INPP4A: variants seen among roughly 807,000 people sequenced by gnomAD.
INPP4A encodes the protein inositol polyphosphate-4-phosphatase, type I, 107kD.
INPP4A carries 33 observed loss-of-function variants against 119.8 expected under a neutral mutation model. The observed-to-expected ratio is 0.28, with a 90% CI of 0.21 to 0.37. The LOEUF (loss-of-function observed/expected upper bound fraction) is 0.37, where lower values mean the gene tolerates loss of function less well. Ranked by LOEUF, INPP4A falls within the 10% of genes least tolerant of loss-of-function variation. The probability of loss-of-function intolerance (pLI) is 1.00; values close to 1 mark genes in which losing one functional copy is unlikely to be tolerated. For synonymous variants in INPP4A, 496 were observed against 500.7 expected (o/e 0.99, Z 0.12); for missense variants, 956 against 1,289.9 (o/e 0.74, Z 3.97).
chr2:98,568,566 C>T lies in INPP4A; in HGVS notation c.2421-5C>T, dbSNP rs1250179617. On this transcript the variant is annotated splice_region_variant and splice_polypyrimidine_tract_variant and intron_variant, in intron 21 of 24. Transcript: ENST00000409851. ...AACTAATGGCATCCCCTATAACCTC[C>T]CAAGGTTTGGCGATACGTCTTTACA... 4 of 1,559,344 alleles carry T rather than the reference C, an allele frequency of 2.6e-6. No individual in the cohort carries two copies. The East Asian group carries it at 9.1e-5, about 35-fold the overall frequency.
intron 24 of INPP4A, 100 bp downstream of exon 24, chr2:98,577,243 G>GCCTGC: frequency 7.9e-7 from 1 of 1,270,634 alleles, no homozygotes; most frequent in Non-Finnish European, 1.1e-6. Context: ...TACCCTGCAT[G>GCCTGC]AGCCCCTTGA....
intron 1 of INPP4A, among the ~76,000 whole-genome samples, chr2:98,514,890 A>G (rs932608907): frequency 6.6e-6 from 1 of 151,962 alleles, no homozygotes; most frequent in Non-Finnish European, 1.5e-5. Flanking sequence ...ACTCCAGCCT[A>G]GGAGACAGAA....
At chr2:98,470,394 G>A (rs748821693) in intron 1 of INPP4A, among the ~76,000 whole-genome samples, 4 of 152,222 alleles carry the variant, frequency 2.6e-5, no homozygotes, top group African/African-American at 2.4e-5. Flanking sequence ...CTCACTTGGC[G>A]CTGCTTCTGA....
chr2:98,504,459 C>A (rs147774474), intron 1 of INPP4A, among the ~76,000 whole-genome samples: 2 of 152,240 alleles, frequency 1.3e-5, no homozygotes, highest in African/African-American at 4.8e-5. Context: ...TCCATGGGAC[C>A]TAGAGGACCA....
chr2:98,464,731 C>G (rs1398761873), intron 1 of INPP4A, among the ~76,000 whole-genome samples: 1 of 152,180 alleles, frequency 6.6e-6, no homozygotes, highest in Non-Finnish European at 1.5e-5. Context: ...AGGGTCTGCT[C>G]CATGAGATAT....
intron 1 of INPP4A, among the ~76,000 whole-genome samples, chr2:98,483,611 A>G (rs1201192986): frequency 1.3e-5 from 2 of 152,186 alleles, no homozygotes; most frequent in Non-Finnish European, 1.5e-5. Context: ...TCCTTCAGGC[A>G]GGTTCATCCT....
intron 1 of INPP4A, among the ~76,000 whole-genome samples, chr2:98,476,515 A>C (rs1558907687): frequency 6.6e-6 from 1 of 152,126 alleles, no homozygotes; most frequent in Non-Finnish European, 1.5e-5. Flanking sequence ...GTCTCCAGCC[A>C]CAGTCAGGGA....
At chr2:98,464,928 C>T (rs1490441582) in intron 1 of INPP4A, among the ~76,000 whole-genome samples, 5 of 152,138 alleles carry the variant, frequency 3.3e-5, no homozygotes, top group African/African-American at 7.2e-5. Flanking sequence ...GTACAGAGCT[C>T]GTTATTGCAG....
In INPP4A at chr2:98,520,066, C is replaced by G. The variant is rs904631225; in HGVS notation, c.18C>G (p.His6Gln). Residue 6 changes from histidine to glutamine, a missense_variant, in exon 3 of 25, where the codon CAC becomes CAG. Coordinates refer to ENST00000409851, the MANE Select transcript of INPP4A (RefSeq NM_001134225.2). ...ATGACATCATGACAGCAAGAGAGCA[C>G]AGCCCTCGCCATGGTGCCAGGGCCC... is the stretch of plus-strand genomic sequence containing the variant. MTAREHSPRHGARARA... is the reference protein window; with the variant it reads MTAREQSPRHGARARA... The G allele has an allele frequency of 3.2e-6, 5 of 1,583,392 alleles. No homozygotes were observed. Among genetic ancestry groups the G allele is most frequent in the Non-Finnish European group, 4.3e-6 (5 of 1,163,350 alleles).
chr2:98,446,556 C>T (rs1694227899), intron 1 of INPP4A, among the ~76,000 whole-genome samples: 1 of 151,958 alleles, frequency 6.6e-6, no homozygotes, highest in Admixed American at 6.5e-5. Flanking sequence ...GCCAGAGCTG[C>T]TTGGTAGAGT....
chr2:98,448,701 C>T (rs935254889), intron 1 of INPP4A, among the ~76,000 whole-genome samples: 2 of 138,678 alleles, frequency 1.4e-5, no homozygotes, highest in South Asian at 4.8e-4. Context: ...TTTTCTCTCT[C>T]TCTCTCTCTT....
intron 24 of INPP4A, among the ~76,000 whole-genome samples, chr2:98,582,258 T>C (rs1396382558): frequency 6.6e-6 from 1 of 152,270 alleles, no homozygotes; most frequent in Non-Finnish European, 1.5e-5. Context: ...ATAGGACATG[T>C]ACTTTCTGCT....
Position 98,546,721 on chromosome 2 carries a change from C to G in INPP4A, c.1163+27C>G, listed in dbSNP as rs371558275. ...TAAGTAGCCAGAGAGGGTTTGTGGT[C>G]CTTGTACAGCTTTCTGATGCTTCTT... On this transcript the variant is annotated intron_variant, in intron 13 of 24. Transcript: ENST00000409851. This position sits in a 1 kb window ranked among gnomAD's most constrained non-coding sequence, Gnocchi z 4.2. 4.2e-5 allele frequency: 55 copies of G among 1,306,488 alleles called. No homozygotes were observed. Among genetic ancestry groups the G allele is most frequent in the Non-Finnish European group, 5.8e-5 (52 of 902,784 alleles). The allele number at this position is 1,306,488 out of a possible 1,614,324, so 80.9% of individuals were successfully genotyped here.
At chr2:98,505,997 T>G (rs527849227) in intron 1 of INPP4A, among the ~76,000 whole-genome samples, 20 of 152,120 alleles carry the variant, frequency 1.3e-4, no homozygotes, top group Non-Finnish European at 2.5e-4. Context: ...TCAGCTTAAT[T>G]TAAGAAAAGA....
At chr2:98,561,907 A>G (rs1002052284) in intron 17 of INPP4A, among the ~76,000 whole-genome samples, 7 of 152,248 alleles carry the variant, frequency 4.6e-5, no homozygotes, top group Admixed American at 6.5e-5. Flanking sequence ...TATAATTGGC[A>G]TACATTCAAC....
chr2:98,508,033 G>A (rs1176106014), intron 1 of INPP4A, among the ~76,000 whole-genome samples: 2 of 152,198 alleles, frequency 1.3e-5, no homozygotes, highest in Admixed American at 1.3e-4. Context: ...GCAAGGCAAA[G>A]GACATTGCTG....
rs113033964 is a variant in INPP4A at position 98,578,968 on chromosome 2, A to G, written c.2786+1825A>G. The stretch of plus-strand genomic sequence containing the variant: ...AATTACACAGAACAAAAACACCCAC[A>G]TGCACAAACAAGTGTAATTATATTT... On this transcript the variant is annotated intron_variant, in intron 24 of 24. Transcript: ENST00000409851. 4.4e-3 allele frequency among the ~76,000 whole-genome samples: 665 copies of G among 152,302 alleles called. 8 individuals carry two copies. Among genetic ancestry groups the G allele is most frequent in the African/African-American group, 0.015 (643 of 41,560 alleles).
chr2:98,445,508 C>T (rs1428374616), intron 1 of INPP4A, among the ~76,000 whole-genome samples: 1 of 152,240 alleles, frequency 6.6e-6, no homozygotes, highest in Non-Finnish European at 1.5e-5. Flanking sequence ...ATCCTCGAAA[C>T]TCTTCCATTT....
At chr2:98,582,016 G>A (rs185765505) in intron 24 of INPP4A, among the ~76,000 whole-genome samples, 139 of 152,230 alleles carry the variant, frequency 9.1e-4, no homozygotes, top group Non-Finnish European at 1.4e-3. Context: ...TCACTGCATC[G>A]TTTAGCTGGC....
Sources: allele counts gnomAD v4.1 joint callset (sites outside exome capture counted in the v4.1 genomes callset), GRCh38; gene constraint gnomAD v4.1.1; non-coding constraint Gnocchi (gnomAD v3.1); transcripts MANE v1.5; gene names NCBI Gene and HGNC (gene_info 2026-07-23, HGNC 2026-07-21).